The following DGKB variants were observed in gnomAD, a reference collection of about 807,000 sequenced individuals.
DGKB encodes the protein diacylglycerol kinase beta, also known as 90 kDa diacylglycerol kinase.
DGKB carries 67 observed loss-of-function variants against 114.3 expected under a neutral mutation model. The ratio of observed to expected loss-of-function variants is 0.59; its 90% CI spans 0.48 to 0.72. The LOEUF (loss-of-function observed/expected upper bound fraction) is 0.72. Ranked by LOEUF, DGKB falls within the 30% of genes least tolerant of loss-of-function variation. The probability of loss-of-function intolerance (pLI) is 0.00; values close to 1 mark genes in which losing one functional copy is unlikely to be tolerated. For missense variants in DGKB, 907 were observed against 975.2 expected, an observed-to-expected ratio of 0.93 and a Z score of 0.93; for synonymous variants, 398 against 323.1, an observed-to-expected ratio of 1.23 and a Z score of -2.49.
At chr7:14,714,890 G>A (rs189838595) in intron 6 of DGKB, among the ~76,000 whole-genome samples, 1 of 152,296 alleles carries the variant, frequency 6.6e-6, no homozygotes, top group East Asian at 1.9e-4. Flanking sequence ...AAATTCAAGA[G>A]GGAGTAAAGT....
intron 21 of DGKB, among the ~76,000 whole-genome samples, chr7:14,467,062 A>G (rs1372593503): frequency 3.3e-5 from 5 of 152,082 alleles, no homozygotes; most frequent in Non-Finnish European, 7.4e-5. Context: ...ATCAAAGCAT[A>G]AAAGGACAGA....
At chr7:14,589,097 G>T (rs549883828) in intron 17 of DGKB, among the ~76,000 whole-genome samples, 43 of 151,820 alleles carry the variant, frequency 2.8e-4, no homozygotes, top group Non-Finnish European at 5.4e-4. Flanking sequence ...CTACTAACAG[G>T]TCTTGCATAT....
intron 21 of DGKB, among the ~76,000 whole-genome samples, chr7:14,444,343 T>C (rs1482273049): frequency 6.6e-6 from 1 of 151,806 alleles, no homozygotes; most frequent in Non-Finnish European, 1.5e-5. Context: ...ATTGTATATA[T>C]GAGTTTTTTT....
intron 19 of DGKB, among the ~76,000 whole-genome samples, chr7:14,575,569 A>G (rs1004220189): frequency 1.3e-5 from 2 of 152,164 alleles, no homozygotes; most frequent in African/African-American, 4.8e-5. Context: ...TAAGCAAGAT[A>G]ATGCCTAAAA....
chr7:14,365,377 C>A lies in DGKB; in HGVS notation c.1836-19986G>T, dbSNP rs560799123. 6.6e-5 allele frequency among the ~76,000 whole-genome samples: 10 copies of A among 152,104 alleles called. No individual in the cohort carries two copies. In the South Asian group the frequency reaches 1.0e-3, roughly 16 times the overall value. ...TCAGTAATTATAATCCTTAACTTCA[C>A]GTCTTGCTCACTCATTGTTGGAGTG... On this transcript the variant is annotated intron_variant, in intron 21 of 25. Coordinates refer to ENST00000402815, the MANE Select transcript of DGKB (RefSeq NM_001350709.2).
chr7:14,348,145 AC>A (rs1812795449), intron 21 of DGKB, among the ~76,000 whole-genome samples: 1 of 148,634 alleles, frequency 6.7e-6, no homozygotes, highest in South Asian at 2.2e-4. Flanking sequence ...TTTTATAACC[AC>A]CCCCACTTCT....
intron 2 of DGKB, among the ~76,000 whole-genome samples, chr7:14,768,582 G>T (rs1381369082): frequency 1.3e-5 from 2 of 151,844 alleles, no homozygotes; most frequent in African/African-American, 2.4e-5. Flanking sequence ...AGTGATATTT[G>T]CACTGGTGTT....
chr7:14,672,555 C>A (rs963090378), intron 13 of DGKB, among the ~76,000 whole-genome samples: 1 of 151,886 alleles, frequency 6.6e-6, no homozygotes, highest in Non-Finnish European at 1.5e-5. Flanking sequence ...CTCAACATTG[C>A]AGATATATAA....
chr7:14,847,433 T>C (rs998699204), intron 1 of DGKB, among the ~76,000 whole-genome samples: 3 of 152,112 alleles, frequency 2.0e-5, no homozygotes, highest in Non-Finnish European at 2.9e-5. Flanking sequence ...AACTACAGAA[T>C]TGCTGAAGAA....
At chr7:14,573,902 G>T (rs1176400876) in intron 20 of DGKB, among the ~76,000 whole-genome samples, 1 of 152,030 alleles carries the variant, frequency 6.6e-6, no homozygotes, top group African/African-American at 2.4e-5. Flanking sequence ...TCTAAAACTT[G>T]TAAGTATATT....
At chr7:14,741,047 C>A (rs949128775) in intron 4 of DGKB, among the ~76,000 whole-genome samples, 1 of 152,036 alleles carries the variant, frequency 6.6e-6, no homozygotes, top group Non-Finnish European at 1.5e-5. Flanking sequence ...CTGGGGGGCT[C>A]CTTTGAAAAA....
At chr7:14,527,821 A>G (rs1790888135) in intron 20 of DGKB, among the ~76,000 whole-genome samples, 1 of 152,088 alleles carries the variant, frequency 6.6e-6, no homozygotes, top group East Asian at 1.9e-4. Flanking sequence ...AGCAACTTTT[A>G]TTTAACTCCC....
chr7:14,178,138 C>T lies in DGKB; in HGVS notation c.2136G>A (p.Gln712=). 6.2e-7 allele frequency: 1 copy of T among 1,613,482 alleles called. No homozygotes were observed. The highest frequency in any genetic ancestry group is 8.5e-7 in the Non-Finnish European group (1 of 1,179,734). The part of the protein sequence containing the change: ...LKFASQDLSD[Q]LLEVVGLEGA... The stretch of plus-strand genomic sequence containing the variant: ...CTTCCAAGCCGACCACCTCCAGCAG[C>T]TGGTCACTGAGATCTGAAAGAAAGT... The change falls in exon 24 of 26, where the codon CAG becomes CAA. Residue 712 remains glutamine, a synonymous_variant. Coordinates refer to ENST00000402815, the MANE Select transcript of DGKB (RefSeq NM_001350709.2).
chr7:14,671,120 T>G lies in DGKB; in HGVS notation c.1134+1809A>C, dbSNP rs143144303. On this transcript the variant is annotated intron_variant, in intron 13 of 25. Coordinates refer to ENST00000402815, the MANE Select transcript of DGKB (RefSeq NM_001350709.2). Reference sequence around the variant, plus strand: ...AGCTGAACATAAATTAACATGGTAATGCAATCAACTGAATAAACAAGATCT... The same window carrying G: ...AGCTGAACATAAATTAACATGGTAAGGCAATCAACTGAATAAACAAGATCT... Among the ~76,000 whole-genome samples, 10 of 152,234 alleles carry G rather than the reference T, an allele frequency of 6.6e-5. No homozygotes were observed. The East Asian group carries it at 1.9e-3, about 29-fold the overall frequency.
intron 2 of DGKB, among the ~76,000 whole-genome samples, chr7:14,761,674 C>T (rs571552920): frequency 1.3e-5 from 2 of 152,230 alleles, no homozygotes; most frequent in East Asian, 1.9e-4. Context: ...AATAGAGCTT[C>T]GGGAAAGAGC....
At chr7:14,301,816 C>A (rs996616788) in intron 23 of DGKB, among the ~76,000 whole-genome samples, 1 of 152,058 alleles carries the variant, frequency 6.6e-6, no homozygotes, top group African/African-American at 2.4e-5. Flanking sequence ...TATGGGTTTT[C>A]ACTCATTTCA....
rs2128778564 is a variant in DGKB, at chr7:14,606,715, T to C, written c.1433+719A>G. Among the ~76,000 whole-genome samples, 2 of 152,210 alleles carry C rather than the reference T, an allele frequency of 1.3e-5. 1 individual carries two copies. The highest frequency in any genetic ancestry group is 6.8e-3 in the Middle Eastern group (2 of 294). Reference sequence around the variant, plus strand: ...AGAGGTCAATGAAATAAAATGACATTAATTATTTAACTAAGCCAAATTAAT... The same window carrying C: ...AGAGGTCAATGAAATAAAATGACATCAATTATTTAACTAAGCCAAATTAAT... On this transcript the variant is annotated intron_variant, in intron 17 of 25. Coordinates refer to ENST00000402815, the MANE Select transcript of DGKB (RefSeq NM_001350709.2).
chr7:14,663,833 C>A lies in DGKB; in HGVS notation c.1134+9096G>T, dbSNP rs1238429426. ...AGTGTGCAAAAAAAAACAAATTATC[C>A]TTTTCCTTTCTAAATGATTGCCACT... On this transcript the variant is annotated intron_variant, in intron 13 of 25. Coordinates refer to ENST00000402815, the MANE Select transcript of DGKB (RefSeq NM_001350709.2). Among the ~76,000 whole-genome samples the A allele has an allele frequency of 3.3e-5, 5 of 151,658 alleles. No individual in the cohort carries two copies. In the East Asian group the frequency reaches 9.7e-4, roughly 30 times the overall value.
intron 23 of DGKB, among the ~76,000 whole-genome samples, chr7:14,200,968 G>C (rs983334856): frequency 6.6e-6 from 1 of 152,040 alleles, no homozygotes; most frequent in African/African-American, 2.4e-5. Context: ...GCTAAGTAGA[G>C]AGGCAGTTAG....
Sources: allele counts gnomAD v4.1 joint callset (sites outside exome capture counted in the v4.1 genomes callset), GRCh38; gene constraint gnomAD v4.1.1; transcripts MANE v1.5; gene names NCBI Gene and HGNC (gene_info 2026-07-23, HGNC 2026-07-21).